The following SRP19 variants were observed in gnomAD, a reference collection of about 807,000 sequenced individuals.
SRP19 encodes the protein signal recognition particle 19 kDa protein.
Under a neutral mutation model 22.4 loss-of-function variants are expected in SRP19, and 11 were observed. The ratio of observed to expected loss-of-function variants is 0.49; its 90% CI spans 0.31 to 0.81. The LOEUF (loss-of-function observed/expected upper bound fraction) is 0.81. Ranked by LOEUF, SRP19 falls within the 40% of genes least tolerant of loss-of-function variation. The pLI, the probability that SRP19 is intolerant of heterozygous loss-of-function variation, is 0.05. For missense variants in SRP19, 168 were observed against 175.9 expected (o/e 0.96, Z 0.25); for synonymous variants, 61 against 57.6 (o/e 1.06, Z -0.27).
At position 112,862,706 on chromosome 5, in the gene SRP19, C is replaced by T. The variant is rs1767452958; in HGVS notation, c.117+123C>T. 1.7e-5 allele frequency: 14 copies of T among 830,720 alleles called. No homozygotes were observed. In the South Asian group the frequency reaches 2.1e-4, roughly 13 times the overall value. The allele number at this position is 830,720 out of a possible 1,614,324, so 51.5% of individuals were successfully genotyped here. A position where few individuals can be genotyped will look rare whatever the true frequency, so the allele number is the denominator to read the frequency against. ...ACTGCATTTATTTAGGGCTTGAGAA[C>T]ACAGCCAAGAATTGGGGTGCGTTCC... On this transcript the variant is annotated intron_variant, in intron 2 of 4. Transcript: ENST00000505459.
Position 112,868,285 on chromosome 5 carries a change from A to G in SRP19, c.*748A>G. 4 of 985,496 alleles carry G rather than the reference A, an allele frequency of 4.1e-6. No homozygotes were observed. The highest frequency in any genetic ancestry group is 4.8e-6 in the Non-Finnish European group (4 of 829,984). 61.0% of individuals were successfully genotyped at this position (985,496 alleles called of 1,614,324 possible). A position where few individuals can be genotyped will look rare whatever the true frequency, so the allele number is the denominator to read the frequency against. Reference sequence around the variant, plus strand: ...CTCCAGAATTTCAGAGCGGTTTCTGAAAGTAGTGATTTTGAGCTATCCCAA... The same window carrying G: ...CTCCAGAATTTCAGAGCGGTTTCTGGAAGTAGTGATTTTGAGCTATCCCAA... On this transcript the variant is annotated 3_prime_UTR_variant, in exon 5 of 5. Transcript: ENST00000505459.
Position 112,869,753 on chromosome 5 carries a change from C to T in SRP19, c.*2216C>T, listed in dbSNP as rs1561641166. On this transcript the variant is annotated 3_prime_UTR_variant, in exon 5 of 5. Coordinates refer to ENST00000505459, the MANE Select transcript of SRP19 (RefSeq NM_003135.3). Reference sequence around the variant, plus strand: ...GGAGATCTGTTGGTTTTATAAGTGCCTGGCGTTTCCCCTGCTTGCAGTCAC... The same window carrying T: ...GGAGATCTGTTGGTTTTATAAGTGCTTGGCGTTTCCCCTGCTTGCAGTCAC... The T allele has an allele frequency of 1.3e-5, 2 of 152,150 alleles. No homozygotes were observed. The highest frequency in any genetic ancestry group is 1.9e-4 in the East Asian group (1 of 5,194). The allele number at this position is 152,150 out of a possible 1,614,324, so 9.4% of individuals were successfully genotyped here.
chr5:112,861,724 C>T (rs1287888495), intron 1 of SRP19, among the ~76,000 whole-genome samples: 1 of 152,200 alleles, frequency 6.6e-6, no homozygotes, highest in Non-Finnish European at 1.5e-5. Context: ...GAAATGTGTT[C>T]TTTTTAAGTA....
intron 1 of SRP19, 173 bp from the exon 2 acceptor site, chr5:112,862,335 A>G (rs1767432682): frequency 3.0e-6 from 2 of 669,896 alleles, no homozygotes; most frequent in South Asian, 1.6e-5. Flanking sequence ...CGAGGGGACC[A>G]CTCCGAGGTA....
downstream of SRP19, chr5:112,896,746 A>C (rs1462614519): frequency 6.6e-6 from 1 of 152,042 alleles, no homozygotes; most frequent in Non-Finnish European, 1.5e-5. Flanking sequence ...CAGCCTGGCC[A>C]ACATGGTGAA....
At chr5:112,883,426 T>G (rs1191074483) in intron 4 of SRP19, among the ~76,000 whole-genome samples, 3 of 152,214 alleles carry the variant, frequency 2.0e-5, no homozygotes, top group Non-Finnish European at 4.4e-5. Flanking sequence ...AAGAAAAACT[T>G]TCTGTTCTTG....
chr5:112,879,366 G>A (rs1188441399), intron 4 of SRP19, among the ~76,000 whole-genome samples: 3 of 151,854 alleles, frequency 2.0e-5, no homozygotes, highest in Non-Finnish European at 2.9e-5. Flanking sequence ...GAGGAGATTA[G>A]TTCCAGGAAC....
chr5:112,881,560 G>C (rs76131412), intron 4 of SRP19, among the ~76,000 whole-genome samples: 1 of 152,068 alleles, frequency 6.6e-6, no homozygotes, highest in Non-Finnish European at 1.5e-5. Flanking sequence ...TCAAGTGGTG[G>C]CTGTTTCTTT....
At chr5:112,879,522 G>A (rs1768004687) in intron 4 of SRP19, among the ~76,000 whole-genome samples, 1 of 152,170 alleles carries the variant, frequency 6.6e-6, no homozygotes, top group Admixed American at 6.5e-5. Flanking sequence ...CACCCAGCCT[G>A]GAGTGCAGTG....
downstream of SRP19, among the ~76,000 whole-genome samples, chr5:112,871,455 A>C (rs2150029350): frequency 6.6e-6 from 1 of 151,900 alleles, no homozygotes; most frequent in East Asian, 1.9e-4. Context: ...TTTGTAATTA[A>C]AAAAATTTTT....
exon 5 of SRP19, chr5:112,892,371 C>A (rs1197267580): frequency 6.2e-7 from 1 of 1,614,004 alleles, no homozygotes; most frequent in East Asian, 2.2e-5. Context: ...TCCTAGATTT[C>A]TATGAGGATG....
chr5:112,867,399 C>T lies in SRP19; in HGVS notation c.302-5C>T, dbSNP rs1767641974. 2 of 1,609,244 alleles carry T rather than the reference C, an allele frequency of 1.2e-6. No individual in the cohort carries two copies. Among genetic ancestry groups the T allele is most frequent in the African/African-American group, 2.7e-5 (2 of 74,932 alleles). ...TATACACTAAGCCTAACTTCTGGTT[C>T]CTAGGTAAGTCAGTAATGTTGTATG... On this transcript the variant is annotated splice_region_variant and splice_polypyrimidine_tract_variant and intron_variant, in intron 4 of 4. Transcript: ENST00000505459.
At position 112,869,312 on chromosome 5, in the gene SRP19, C is replaced by T. The variant is rs1288910712; in HGVS notation, c.*1775C>T. 1.3e-5 allele frequency: 2 copies of T among 152,156 alleles called. No individual in the cohort carries two copies. The highest frequency in any genetic ancestry group is 2.9e-5 in the Non-Finnish European group (2 of 68,046). 9.4% of individuals were successfully genotyped at this position (152,156 alleles called of 1,614,324 possible). On this transcript the variant is annotated 3_prime_UTR_variant, in exon 5 of 5. Transcript: ENST00000505459. ...AGGAAGAAAAGGTAGCTGTGCCAGC[C>T]ACTTCTGGCAAGCAGTTCTCCCACC...
chr5:112,880,430 G>A (rs1486373007), intron 4 of SRP19, among the ~76,000 whole-genome samples: 1 of 151,980 alleles, frequency 6.6e-6, no homozygotes. Context: ...AGCTGTTCTT[G>A]ATGGAGCCAG....
At chr5:112,883,196 C>A (rs1369691859) in intron 4 of SRP19, among the ~76,000 whole-genome samples, 1 of 152,262 alleles carries the variant, frequency 6.6e-6, no homozygotes, top group African/African-American at 2.4e-5. Flanking sequence ...TTCTGCTCTC[C>A]TTTGCAGGAA....
At chr5:112,892,053 G>A (rs775043127) in exon 5 of SRP19, 4 of 1,527,406 alleles carry the variant, frequency 2.6e-6, no homozygotes, top group Non-Finnish European at 3.6e-6. Context: ...AAGAAAAAGA[G>A]GAAGCTGTGC....
intron 4 of SRP19, chr5:112,878,539 T>G: frequency 2.0e-6 from 1 of 499,852 alleles, no homozygotes; most frequent in Non-Finnish European, 3.5e-6. Context: ...ATACATCTTT[T>G]CCTACCCAGA....
downstream of SRP19, chr5:112,893,329 G>A (rs1580740213): frequency 1.3e-5 from 3 of 233,816 alleles, no homozygotes; most frequent in East Asian, 1.2e-4. Flanking sequence ...AGAATCGCTT[G>A]AATCTGGAAG....
intron 4 of SRP19, among the ~76,000 whole-genome samples, chr5:112,880,795 G>A (rs140578542): frequency 1.2e-3 from 188 of 152,258 alleles, no homozygotes; most frequent in Middle Eastern, 6.8e-3. Context: ...TGCTGATTAG[G>A]CTAAGGGAAG....
Sources: allele counts gnomAD v4.1 joint callset (sites outside exome capture counted in the v4.1 genomes callset), GRCh38; gene constraint gnomAD v4.1.1; transcripts MANE v1.5; gene names NCBI Gene and HGNC (gene_info 2026-07-23, HGNC 2026-07-21).